Variants in CLPX observed in about 807,000 individuals in gnomAD.
CLPX encodes caseinolytic mitochondrial matrix peptidase chaperone subunit X.
CLPX carries 34 observed loss-of-function variants against 76.4 expected under a neutral mutation model. That is an observed-to-expected ratio of 0.45 (90% CI 0.34 to 0.59). The LOEUF is 0.59. CLPX is among the 20% of genes least tolerant of loss of function. CLPX has a pLI of 0.01. For missense variants in CLPX, 613 were observed against 757.0 expected, an observed-to-expected ratio of 0.81 and a Z score of 2.23; for synonymous variants, 248 against 270.9, an observed-to-expected ratio of 0.92 and a Z score of 0.83.
intron 5 of CLPX, among the ~76,000 whole-genome samples, chr15:65,163,396 TTATAAATTTAAG>T (rs1288391978): frequency 3.3e-5 from 5 of 152,282 alleles, no homozygotes; most frequent in African/African-American, 1.2e-4. Flanking sequence ...TAATGTAGAC[TTATAAATTTAAG>T]TACTTAGCAG....
intron 4 of CLPX, 42 bp from the exon 5 acceptor site, chr15:65,164,230 A>C (rs1401411378): frequency 1.3e-6 from 2 of 1,492,984 alleles, no homozygotes; most frequent in East Asian, 2.3e-5. Context: ...ATGAGCTATT[A>C]TAAGAGCACA....
At position 65,148,331 on chromosome 15, in the gene CLPX, T is replaced by C. The variant is rs988701334; in HGVS notation, c.*2492A>G. On this transcript the variant is annotated 3_prime_UTR_variant, in exon 14 of 14. Coordinates refer to ENST00000300107, the MANE Select transcript of CLPX (RefSeq NM_006660.5). ...TTTGTTAACAACTTCCAAAGCCAAATGTAAGTTGTTGTGACTAAAATGCCT... is the reference window on the plus strand; with the variant it reads ...TTTGTTAACAACTTCCAAAGCCAAACGTAAGTTGTTGTGACTAAAATGCCT... The C allele has an allele frequency of 6.6e-6, 1 of 152,258 alleles. No individual in the cohort carries two copies. Among genetic ancestry groups the C allele is most frequent in the Non-Finnish European group, 1.5e-5 (1 of 68,050 alleles). 9.4% of individuals were successfully genotyped at this position (152,258 alleles called of 1,614,324 possible). A position where few individuals can be genotyped will look rare whatever the true frequency, so the allele number is the denominator to read the frequency against.
chr15:65,169,215 A>C (rs1006668569), intron 3 of CLPX, among the ~76,000 whole-genome samples: 13 of 151,404 alleles, frequency 8.6e-5, no homozygotes, highest in African/African-American at 3.2e-4. Flanking sequence ...CGGCCTCCCA[A>C]AGTGCTGGGA....
At position 65,161,630 on chromosome 15, in the gene CLPX, AG is replaced by A. The variant is rs761984125; in HGVS notation, c.715+973del. 5.7e-3 allele frequency among the ~76,000 whole-genome samples: 873 copies of A among 152,356 alleles called. 5 individuals carry two copies. The highest frequency in any genetic ancestry group is 0.014 in the Middle Eastern group (4 of 294). On this transcript the variant is annotated intron_variant, in intron 6 of 13. Coordinates refer to ENST00000300107, the MANE Select transcript of CLPX (RefSeq NM_006660.5). The stretch of plus-strand genomic sequence containing the variant: ...CAGACTTTCTTTACTAATTTAGTAT[AG>A]GTTAACTAGCTGTCAACACAATTTA...
rs973986519 is a variant in CLPX at position 65,185,224 on chromosome 15, C to T, written c.-71G>A. 1.1e-5 allele frequency: 15 copies of T among 1,330,406 alleles called. No homozygotes were observed. Among genetic ancestry groups the T allele is most frequent in the African/African-American group, 2.9e-5 (2 of 68,676 alleles). 82.4% of individuals were successfully genotyped at this position (1,330,406 alleles called of 1,614,324 possible). ...GTCACAGCGGCGTGAATCCTGCCCG[C>T]AAGGCGCGCTGACTCGGTTCCGAAC... On this transcript the variant is annotated 5_prime_UTR_variant, in exon 1 of 14. Coordinates refer to ENST00000300107, the MANE Select transcript of CLPX (RefSeq NM_006660.5).
At chr15:65,181,076 G>A (rs1046737653) in intron 1 of CLPX, among the ~76,000 whole-genome samples, 1 of 150,610 alleles carries the variant, frequency 6.6e-6, no homozygotes. Context: ...GCAGGCGTCT[G>A]TAATCCCAGC....
rs568864200 is a variant in CLPX at position 65,168,383 on chromosome 15, C to CCA, written c.359-1599_359-1598insTG. Among the ~76,000 whole-genome samples, 40 of 35,662 alleles carry CCA rather than the reference C, an allele frequency of 1.1e-3. 1 individual carries two copies. Among genetic ancestry groups the CCA allele is most frequent in the African/African-American group, 4.9e-3 (39 of 7,916 alleles). 23.4% of individuals were successfully genotyped at this position (35,662 alleles called of 152,430 possible). On this transcript the variant is annotated intron_variant, in intron 3 of 13. Transcript: ENST00000300107. ...TGGGCGACAAAGTGAGACTCTGTCT[C>CCA]AAAAAAAAAAAAAAAAAAAAAAAAA...
chr15:65,183,019 G>A (rs1258639171), intron 1 of CLPX, among the ~76,000 whole-genome samples: 2 of 151,752 alleles, frequency 1.3e-5, no homozygotes, highest in African/African-American at 4.8e-5. Context: ...AAAAATTAGT[G>A]GGGCGTGGTG....
intron 4 of CLPX, among the ~76,000 whole-genome samples, chr15:65,165,893 A>G (rs2087906094): frequency 6.6e-6 from 1 of 152,212 alleles, no homozygotes; most frequent in African/African-American, 2.4e-5. Flanking sequence ...GTAGAGACAA[A>G]TGCACTGATA....
chr15:65,155,970 C>A, intron 9 of CLPX, 114 bp from the exon 10 acceptor site: 3 of 795,004 alleles, frequency 3.8e-6, no homozygotes, highest in Non-Finnish European at 6.1e-6. Context: ...AATGCACATA[C>A]CTAATGAAAC....
At chr15:65,179,545 T>C (rs2088136009) in intron 2 of CLPX, among the ~76,000 whole-genome samples, 1 of 152,206 alleles carries the variant, frequency 6.6e-6, no homozygotes, top group South Asian at 2.1e-4. Flanking sequence ...GTTAGTCAAA[T>C]TCACGTAATG....
intron 3 of CLPX, among the ~76,000 whole-genome samples, chr15:65,174,018 C>T (rs1458262299): frequency 1.3e-5 from 2 of 152,184 alleles, no homozygotes; most frequent in African/African-American, 2.4e-5. Flanking sequence ...CTCTGTCGCC[C>T]AGGCTGGAGT....
intron 13 of CLPX, 21 bp from the exon 14 acceptor site, chr15:65,150,934 T>C: frequency 6.4e-7 from 1 of 1,552,864 alleles, no homozygotes; most frequent in Non-Finnish European, 8.8e-7. Context: ...AAGCCATGTT[T>C]GTTTTTTTAA....
intron 1 of CLPX, among the ~76,000 whole-genome samples, chr15:65,181,339 G>A (rs1325459057): frequency 6.6e-6 from 1 of 152,192 alleles, no homozygotes; most frequent in Non-Finnish European, 1.5e-5. Context: ...AATGGGTACA[G>A]AGCTTCAGTT....
At chr15:65,172,473 A>C (rs2088023378) in intron 3 of CLPX, among the ~76,000 whole-genome samples, 2 of 152,034 alleles carry the variant, frequency 1.3e-5, no homozygotes, top group Non-Finnish European at 1.5e-5. Flanking sequence ...TCTACTAAAA[A>C]TACAAAAAAA....
In CLPX at chr15:65,178,282, T is replaced by G. The variant is rs188706792; in HGVS notation, c.358+652A>C. On this transcript the variant is annotated intron_variant, in intron 3 of 13. Coordinates refer to ENST00000300107, the MANE Select transcript of CLPX (RefSeq NM_006660.5). ...TAGTAATAAATACAGAATAAATAAGTCTTGGTTCTCCTATAGCCTAATGAT... is the reference window on the plus strand; with the variant it reads ...TAGTAATAAATACAGAATAAATAAGGCTTGGTTCTCCTATAGCCTAATGAT... 4.4e-4 allele frequency among the ~76,000 whole-genome samples: 67 copies of G among 152,344 alleles called. 1 individual carries two copies. The Middle Eastern group carries it at 0.01, about 23-fold the overall frequency.
At chr15:65,157,986 A>T in intron 7 of CLPX, 76 bp from the exon 8 acceptor site, 2 of 1,286,312 alleles carry the variant, frequency 1.6e-6, no homozygotes, top group Non-Finnish European at 2.1e-6. Flanking sequence ...ATGCAAAATA[A>T]ATTTTAGTAG....
intron 5 of CLPX, among the ~76,000 whole-genome samples, chr15:65,163,054 G>C (rs1236951704): frequency 6.6e-6 from 1 of 152,028 alleles, no homozygotes; most frequent in Admixed American, 6.6e-5. Context: ...GAAGATTTCA[G>C]GCCAGGCGCA....
At chr15:65,161,987 A>T (rs1282861876) in intron 6 of CLPX, among the ~76,000 whole-genome samples, 1 of 152,182 alleles carries the variant, frequency 6.6e-6, no homozygotes, top group Non-Finnish European at 1.5e-5. Context: ...TAAAAACATC[A>T]AACTTAGCTA....
Sources: allele counts gnomAD v4.1 joint callset (sites outside exome capture counted in the v4.1 genomes callset), GRCh38; gene constraint gnomAD v4.1.1; transcripts MANE v1.5; gene names NCBI Gene and HGNC (gene_info 2026-07-23, HGNC 2026-07-21).